Variants in HDAC4 observed in about 807,000 individuals in gnomAD.
The protein encoded by HDAC4 is histone deacetylase 4, also known as histone deacetylase A.
HDAC4 carries 16 observed loss-of-function variants against 135.1 expected under a neutral mutation model. The observed-to-expected ratio is 0.12, with a 90% confidence interval of 0.08 to 0.18. The LOEUF (loss-of-function observed/expected upper bound fraction) is 0.18, where lower values mean the gene tolerates loss of function less well. Ranked by LOEUF, HDAC4 falls within the 10% of genes least tolerant of loss-of-function variation. The pLI is 1.00. For missense variants in HDAC4, 1,143 were observed against 1,511.8 expected (o/e 0.76, Z 4.05); for synonymous variants, 685 against 653.4 (o/e 1.05, Z -0.74).
chr2:239,057,237 A>T (rs13420288), intron 24 of HDAC4, among the ~76,000 whole-genome samples: 5,092 of 152,306 alleles, frequency 0.033, 277 homozygotes, highest in African/African-American at 0.12. Flanking sequence ...ATCCAAAAAT[A>T]AAAAGTTTAT....
At chr2:239,242,668 A>G (rs1455052376) in intron 2 of HDAC4, among the ~76,000 whole-genome samples, 2 of 152,216 alleles carry the variant, frequency 1.3e-5, no homozygotes, top group African/African-American at 4.8e-5. Context: ...ACAGTACAGT[A>G]ACTAAAGAGA....
At chr2:239,255,508 T>G (rs552568497) in intron 2 of HDAC4, among the ~76,000 whole-genome samples, 38 of 152,358 alleles carry the variant, frequency 2.5e-4, no homozygotes, top group African/African-American at 8.4e-4. Flanking sequence ...TTCTTTGCTC[T>G]GAGTCCTTTG....
rs1222929173 is a variant in HDAC4 at position 239,051,776 on chromosome 2, T to C, written c.*1321A>G. 6.6e-6 allele frequency: 1 copy of C among 152,360 alleles called. No individual in the cohort carries two copies. The highest frequency in any genetic ancestry group is 1.5e-5 in the Non-Finnish European group (1 of 68,020). The allele number at this position is 152,360 out of a possible 1,614,324, so 9.4% of individuals were successfully genotyped here. On this transcript the variant is annotated 3_prime_UTR_variant, in exon 27 of 27. Coordinates refer to ENST00000543185, the MANE Select transcript of HDAC4 (RefSeq NM_001378414.1). ...ATGAATTTCAATCAATCAGGATCCCTTTCCATAAGCACCTTGAGAGCAAAT... is the reference window on the plus strand; with the variant it reads ...ATGAATTTCAATCAATCAGGATCCCCTTCCATAAGCACCTTGAGAGCAAAT...
chr2:239,082,051 G>A (rs771463234), intron 21 of HDAC4, 51 bp downstream of exon 21: 1 of 1,604,324 alleles, frequency 6.2e-7, no homozygotes, highest in East Asian at 2.2e-5. Context: ...CCCCACAGCG[G>A]CTCCCCGCAG....
At chr2:239,398,992 C>A (rs1350597616) in intron 1 of HDAC4, among the ~76,000 whole-genome samples, 2 of 152,194 alleles carry the variant, frequency 1.3e-5, no homozygotes, top group African/African-American at 4.8e-5. Flanking sequence ...AAGCCCAGAA[C>A]ACAGAAAGCT....
intron 1 of HDAC4, among the ~76,000 whole-genome samples, chr2:239,372,769 G>A (rs1171775892): frequency 2.0e-5 from 3 of 152,188 alleles, no homozygotes; most frequent in Non-Finnish European, 4.4e-5. Flanking sequence ...TTGCGTGGTT[G>A]CTGTCCACAC....
At chr2:239,117,122 C>G (rs960387912) in intron 12 of HDAC4, among the ~76,000 whole-genome samples, 3 of 152,176 alleles carry the variant, frequency 2.0e-5, no homozygotes, top group South Asian at 2.1e-4. Context: ...CAAAGTGGAA[C>G]AGGGTGTATG....
rs186362839 is a variant in HDAC4 at position 239,262,111 on chromosome 2, G to T, written c.23-25447C>A. Among the ~76,000 whole-genome samples, 2 of 152,140 alleles carry T rather than the reference G, an allele frequency of 1.3e-5. No homozygotes were observed. The highest frequency in any genetic ancestry group is 4.8e-5 in the African/African-American group (2 of 41,422). On this transcript the variant is annotated intron_variant, in intron 2 of 26. Coordinates refer to ENST00000543185, the MANE Select transcript of HDAC4 (RefSeq NM_001378414.1). The surrounding 1 kb of genome is among the most constrained non-coding windows in gnomAD (Gnocchi z 4.1). ...GGACCCTCCCAACCACGCCAGCGCC[G>T]CCTGCAGTGACGCCGGGCCACGCTC...
At chr2:239,111,406 G>A (rs752434312) in intron 14 of HDAC4, 120 bp downstream of exon 14, 21 of 969,102 alleles carry the variant, frequency 2.2e-5, no homozygotes, top group Non-Finnish European at 2.7e-5. Flanking sequence ...ATCCAGCGTG[G>A]CCCTCGTGCC....
At chr2:239,133,991 G>A (rs775076019) in intron 11 of HDAC4, among the ~76,000 whole-genome samples, 20 of 152,134 alleles carry the variant, frequency 1.3e-4, no homozygotes, top group South Asian at 4.2e-4. Context: ...CGCAAGAGCC[G>A]GTGGCCTCTC....
intron 1 of HDAC4, among the ~76,000 whole-genome samples, chr2:239,379,567 C>T (rs1165064113): frequency 1.3e-5 from 2 of 152,148 alleles, no homozygotes; most frequent in Non-Finnish European, 2.9e-5. Flanking sequence ...TGGCCCAGTG[C>T]CCGCCCTGCT....
intron 2 of HDAC4, among the ~76,000 whole-genome samples, chr2:239,273,203 G>A (rs918970533): frequency 1.3e-5 from 2 of 152,172 alleles, no homozygotes; most frequent in Non-Finnish European, 2.9e-5. Flanking sequence ...AAGACTGCAA[G>A]GGTTATGTCC....
chr2:239,343,325 G>A (rs1289526664), intron 2 of HDAC4, among the ~76,000 whole-genome samples: 2 of 152,182 alleles, frequency 1.3e-5, no homozygotes, highest in Non-Finnish European at 2.9e-5. Flanking sequence ...CTCAGAGTTC[G>A]CTTGGTTATG....
At chr2:239,257,393 G>A (rs2049111084) in intron 2 of HDAC4, among the ~76,000 whole-genome samples, 1 of 152,156 alleles carries the variant, frequency 6.6e-6, no homozygotes, top group Non-Finnish European at 1.5e-5. Flanking sequence ...GACAAAGGCT[G>A]GGGGGTGAAG....
chr2:239,209,950 C>A (rs1389213957), intron 3 of HDAC4, among the ~76,000 whole-genome samples: 1 of 152,162 alleles, frequency 6.6e-6, no homozygotes, highest in Non-Finnish European at 1.5e-5. Flanking sequence ...ACTTTACGCC[C>A]ACCGACCCAA....
At chr2:239,165,131 G>C (rs1451193595) in intron 5 of HDAC4, among the ~76,000 whole-genome samples, 1 of 152,096 alleles carries the variant, frequency 6.6e-6, no homozygotes, top group Non-Finnish European at 1.5e-5. Context: ...GCTGAGGTGA[G>C]ATAATCACCT....
At chr2:239,062,651 C>T (rs1241615379) in intron 24 of HDAC4, among the ~76,000 whole-genome samples, 1 of 152,200 alleles carries the variant, frequency 6.6e-6, no homozygotes, top group African/African-American at 2.4e-5. Context: ...ATATATACGT[C>T]AGTTGCCTTT....
At chr2:239,203,986 G>A (rs937840079) in intron 3 of HDAC4, among the ~76,000 whole-genome samples, 5 of 152,224 alleles carry the variant, frequency 3.3e-5, no homozygotes, top group Non-Finnish European at 5.9e-5. Flanking sequence ...CTCCTGGTTA[G>A]GAGTCCGGGT....
intron 3 of HDAC4, among the ~76,000 whole-genome samples, chr2:239,194,499 C>CT (rs2045232606): frequency 6.6e-6 from 1 of 152,222 alleles, no homozygotes; most frequent in Non-Finnish European, 1.5e-5. Flanking sequence ...GCTGAACCTC[C>CT]TGTGCGTGCA....
Sources: allele counts gnomAD v4.1 joint callset (sites outside exome capture counted in the v4.1 genomes callset), GRCh38; gene constraint gnomAD v4.1.1; non-coding constraint Gnocchi (gnomAD v3.1); transcripts MANE v1.5; gene names NCBI Gene and HGNC (gene_info 2026-07-23, HGNC 2026-07-21).